The following CCDC141 variants were observed in gnomAD, a reference collection of about 807,000 sequenced individuals.
The protein encoded by CCDC141 is coiled-coil domain containing 141, also known as coiled-coil domain-containing protein 141.
Under a neutral mutation model 181.0 loss-of-function variants are expected in CCDC141, and 168 were observed. The observed-to-expected ratio is 0.93, with a 90% CI of 0.82 to 1.05. The LOEUF is 1.05. CCDC141 is among the 50% of genes least tolerant of loss of function. The pLI, the probability that CCDC141 is intolerant of heterozygous loss-of-function variation, is 0.00. For synonymous variants in CCDC141, 666 were observed against 642.3 expected, an observed-to-expected ratio of 1.04 and a Z score of -0.56; for missense variants, 1,902 against 1,788.5, an observed-to-expected ratio of 1.06 and a Z score of -1.14.
At chr2:178,869,349 T>A (rs1305186531) in intron 14 of CCDC141, 44 bp from the exon 15 acceptor site, 12 of 1,417,894 alleles carry the variant, frequency 8.5e-6, no homozygotes, top group Non-Finnish European at 1.1e-5. Context: ...ATTAAAGAAC[T>A]TTTTTACTTT....
intron 17 of CCDC141, 142 bp downstream of exon 17, chr2:178,865,624 GA>G: frequency 1.2e-6 from 1 of 813,176 alleles, no homozygotes; most frequent in Non-Finnish European, 1.7e-6. Context: ...TGGATTAAAA[GA>G]AATAAGTGAG....
At chr2:179,016,202 G>C (rs1369956770) in intron 2 of CCDC141, among the ~76,000 whole-genome samples, 2 of 138,396 alleles carry the variant, frequency 1.4e-5, no homozygotes, top group Admixed American at 7.4e-5. Context: ...GGGGGGAAGA[G>C]TGAGGGGGGT....
At chr2:179,009,986 C>G (rs1351190755) in intron 2 of CCDC141, among the ~76,000 whole-genome samples, 1 of 152,050 alleles carries the variant, frequency 6.6e-6, no homozygotes, top group African/African-American at 2.4e-5. Flanking sequence ...TTTGGACACA[C>G]TTTTAGAAAT....
At chr2:179,007,987 C>G (rs901843362) in intron 2 of CCDC141, among the ~76,000 whole-genome samples, 2 of 152,148 alleles carry the variant, frequency 1.3e-5, no homozygotes, top group African/African-American at 4.8e-5. Context: ...CATAAAATCT[C>G]AGGGTAACAG....
chr2:178,915,093 AG>A (rs1204041496), intron 7 of CCDC141, among the ~76,000 whole-genome samples: 1 of 152,036 alleles, frequency 6.6e-6, no homozygotes, highest in East Asian at 1.9e-4. Flanking sequence ...GGATTACCTG[AG>A]CCCCGGAGGT....
chr2:179,019,111 G>A (rs2042625652), intron 2 of CCDC141, among the ~76,000 whole-genome samples: 1 of 152,122 alleles, frequency 6.6e-6, no homozygotes, highest in South Asian at 2.1e-4. Flanking sequence ...AAATAAAACT[G>A]TGTCCACTGA....
chr2:178,938,519 G>A (rs1019470368), intron 6 of CCDC141, among the ~76,000 whole-genome samples: 63 of 151,954 alleles, frequency 4.1e-4, no homozygotes, highest in Admixed American at 3.8e-3. Flanking sequence ...CCAATTATGC[G>A]GTCAATTTTA....
intron 2 of CCDC141, among the ~76,000 whole-genome samples, chr2:178,995,205 TA>T (rs1208423095): frequency 2.0e-5 from 3 of 152,160 alleles, no homozygotes; most frequent in African/African-American, 4.8e-5. Flanking sequence ...CAGGGAAATT[TA>T]AAAGAGATTT....
intron 7 of CCDC141, among the ~76,000 whole-genome samples, chr2:178,909,301 G>A (rs1027582593): frequency 6.6e-6 from 1 of 152,202 alleles, no homozygotes; most frequent in African/African-American, 2.4e-5. Flanking sequence ...TTTCTCAAAT[G>A]TGTAAGGAAA....
intron 17 of CCDC141, among the ~76,000 whole-genome samples, chr2:178,863,219 T>C (rs1473149072): frequency 6.6e-6 from 1 of 152,182 alleles, no homozygotes; most frequent in African/African-American, 2.4e-5. Flanking sequence ...ATGAAAGTCA[T>C]ATGCTCCTCA....
intron 2 of CCDC141, among the ~76,000 whole-genome samples, chr2:178,987,189 A>C (rs1000926616): frequency 7.1e-6 from 1 of 141,584 alleles, no homozygotes; most frequent in Non-Finnish European, 1.5e-5. Context: ...CTGATCTTTG[A>C]CAAACCTGAC....
chr2:178,911,471 T>C (rs1688214790), intron 7 of CCDC141, among the ~76,000 whole-genome samples: 1 of 152,208 alleles, frequency 6.6e-6, no homozygotes, highest in Non-Finnish European at 1.5e-5. Flanking sequence ...TACTGTTATT[T>C]TGGCAAAGTG....
At chr2:178,912,739 C>A (rs1416539186) in intron 7 of CCDC141, among the ~76,000 whole-genome samples, 1 of 152,190 alleles carries the variant, frequency 6.6e-6, no homozygotes, top group Non-Finnish European at 1.5e-5. Flanking sequence ...CCTTAGCATG[C>A]TATTCAAAAT....
chr2:179,015,335 A>G (rs2154385017), intron 2 of CCDC141, among the ~76,000 whole-genome samples: 1 of 142,036 alleles, frequency 7.0e-6, no homozygotes, highest in East Asian at 2.1e-4. Flanking sequence ...TATCATACAT[A>G]TCTCATATAT....
At chr2:179,004,964 T>G (rs1054128821) in intron 2 of CCDC141, among the ~76,000 whole-genome samples, 141 of 152,268 alleles carry the variant, frequency 9.3e-4, no homozygotes, top group African/African-American at 3.3e-3. Flanking sequence ...ACTCCTGACC[T>G]CAGGTTATCC....
At chr2:178,915,969 A>T (rs1439833519) in intron 7 of CCDC141, among the ~76,000 whole-genome samples, 1 of 152,178 alleles carries the variant, frequency 6.6e-6, no homozygotes, top group East Asian at 1.9e-4. Context: ...TTGATGTGGC[A>T]TGCTGACACT....
intron 5 of CCDC141, among the ~76,000 whole-genome samples, chr2:178,955,893 G>A (rs1006170168): frequency 4.6e-5 from 7 of 152,228 alleles, no homozygotes; most frequent in Non-Finnish European, 8.8e-5. Flanking sequence ...ATCACATCCT[G>A]TGAACTCAAA....
At chr2:178,821,782 GA>G in the CCDC141 span, among the ~76,000 whole-genome samples, 3 of 151,960 alleles carry the variant, frequency 2.0e-5, no homozygotes, top group Non-Finnish European at 4.4e-5. Flanking sequence ...AGGATGTGGA[GA>G]AATAGGAACA....
At chr2:178,823,789 T>C in the CCDC141 span, among the ~76,000 whole-genome samples, 2 of 152,216 alleles carry the variant, frequency 1.3e-5, no homozygotes, top group Non-Finnish European at 2.9e-5. Context: ...AACAGCTATC[T>C]GGAAATCTTG....
Sources: allele counts gnomAD v4.1 joint callset (sites outside exome capture counted in the v4.1 genomes callset), GRCh38; gene constraint gnomAD v4.1.1; transcripts MANE v1.5; gene names NCBI Gene and HGNC (gene_info 2026-07-23, HGNC 2026-07-21).